Variants in GUCY1A2 observed in about 807,000 individuals in gnomAD.
GUCY1A2 encodes the protein guanylate cyclase soluble subunit alpha-2.
In GUCY1A2, 27 loss-of-function variants were observed where a neutral mutation model predicts 63.5. That is an observed-to-expected ratio of 0.43 (90% confidence interval 0.31 to 0.59). The LOEUF is 0.59. Among genes scored for constraint, GUCY1A2 ranks in the 20% least tolerant of loss-of-function variants. The pLI, the probability that GUCY1A2 is intolerant of heterozygous loss-of-function variation, is 0.11. For missense variants in GUCY1A2, 768 were observed against 913.3 expected (o/e 0.84, Z 2.05); for synonymous variants, 364 against 343.5 (o/e 1.06, Z -0.66).
At chr11:106,780,826 A>G (rs1010427815) in intron 5 of GUCY1A2, among the ~76,000 whole-genome samples, 1 of 152,136 alleles carries the variant, frequency 6.6e-6, no homozygotes, top group African/African-American at 2.4e-5. Flanking sequence ...TTCTTTCCAG[A>G]TATATTCGGC....
chr11:106,761,298 A>G (rs1255995062), intron 6 of GUCY1A2, among the ~76,000 whole-genome samples: 1 of 152,214 alleles, frequency 6.6e-6, no homozygotes, highest in East Asian at 1.9e-4. Context: ...TTAGTTATTC[A>G]CAACCAAATT....
intron 6 of GUCY1A2, among the ~76,000 whole-genome samples, chr11:106,758,395 A>G (rs1480149860): frequency 6.6e-6 from 1 of 152,166 alleles, no homozygotes; most frequent in Non-Finnish European, 1.5e-5. Flanking sequence ...CTCCCAGTAT[A>G]GACTCTCATG....
intron 4 of GUCY1A2, among the ~76,000 whole-genome samples, chr11:106,899,494 ATAAT>A (rs1245392774): frequency 1.3e-5 from 2 of 152,228 alleles, no homozygotes; most frequent in Non-Finnish European, 1.5e-5. Flanking sequence ...TAATTTAGAC[ATAAT>A]TAAAGGACTT....
chr11:106,757,253 C>A (rs760195583), intron 6 of GUCY1A2, among the ~76,000 whole-genome samples: 1 of 152,072 alleles, frequency 6.6e-6, no homozygotes, highest in Non-Finnish European at 1.5e-5. Flanking sequence ...TTCCTCTCAT[C>A]TTTTTCCAAG....
chr11:106,862,063 C>T (rs1471997606), intron 4 of GUCY1A2, among the ~76,000 whole-genome samples: 3 of 151,980 alleles, frequency 2.0e-5, no homozygotes, highest in Non-Finnish European at 2.9e-5. Context: ...CCTTCGTCAA[C>T]ACAGATGACC....
At chr11:106,782,254 A>G (rs937082126) in intron 5 of GUCY1A2, among the ~76,000 whole-genome samples, 1 of 152,196 alleles carries the variant, frequency 6.6e-6, no homozygotes, top group Non-Finnish European at 1.5e-5. Context: ...CAAGAGAAGC[A>G]GCAAATTAGA....
intron 4 of GUCY1A2, among the ~76,000 whole-genome samples, chr11:106,885,167 T>C (rs1859881636): frequency 6.6e-6 from 1 of 152,198 alleles, no homozygotes; most frequent in Admixed American, 6.6e-5. Context: ...TTTATGGTGA[T>C]AACATTTACC....
chr11:106,907,855 G>A (rs924968123), intron 4 of GUCY1A2, among the ~76,000 whole-genome samples: 19 of 151,812 alleles, frequency 1.3e-4, no homozygotes, highest in Admixed American at 9.2e-4. Flanking sequence ...GAATAGTGCC[G>A]CAATAAACAT....
chr11:106,855,054 T>C (rs960486028), intron 4 of GUCY1A2, among the ~76,000 whole-genome samples: 2 of 152,074 alleles, frequency 1.3e-5, no homozygotes, highest in African/African-American at 2.4e-5. Context: ...GCAAGGCCCG[T>C]TGGGCCTCAG....
At chr11:106,979,302 A>G (rs551187722) in intron 2 of GUCY1A2, among the ~76,000 whole-genome samples, 1 of 152,050 alleles carries the variant, frequency 6.6e-6, no homozygotes, top group East Asian at 1.9e-4. Context: ...AAAAATACAA[A>G]AAATTAGCCG....
At chr11:107,005,103 C>T (rs1212857632) in intron 1 of GUCY1A2, among the ~76,000 whole-genome samples, 2 of 152,240 alleles carry the variant, frequency 1.3e-5, no homozygotes, top group Non-Finnish European at 2.9e-5. Context: ...TTATTATCAT[C>T]ATTACTATAG....
intron 7 of GUCY1A2, among the ~76,000 whole-genome samples, chr11:106,702,437 G>A (rs758013594): frequency 2.6e-5 from 4 of 152,068 alleles, no homozygotes; most frequent in African/African-American, 4.8e-5. Context: ...ATGATATGTG[G>A]GTATCTGTGT....
At chr11:107,007,470 G>C (rs944180029) in intron 1 of GUCY1A2, among the ~76,000 whole-genome samples, 1 of 152,126 alleles carries the variant, frequency 6.6e-6, no homozygotes, top group Non-Finnish European at 1.5e-5. Context: ...CTCCACTCCA[G>C]CGGATTGTCC....
chr11:106,906,889 A>G (rs1179795662), intron 4 of GUCY1A2, among the ~76,000 whole-genome samples: 1 of 152,124 alleles, frequency 6.6e-6, no homozygotes, highest in Non-Finnish European at 1.5e-5. Context: ...GAACAATGAG[A>G]ACACATGGAC....
At chr11:106,781,709 G>C (rs906739381) in intron 5 of GUCY1A2, among the ~76,000 whole-genome samples, 3 of 149,678 alleles carry the variant, frequency 2.0e-5, no homozygotes, top group African/African-American at 7.4e-5. Flanking sequence ...GACTACAGGC[G>C]CATGTCACCA....
intron 7 of GUCY1A2, among the ~76,000 whole-genome samples, chr11:106,698,424 G>A (rs538417979): frequency 6.6e-6 from 1 of 151,832 alleles, no homozygotes; most frequent in African/African-American, 2.4e-5. Flanking sequence ...GCCTGGTCTG[G>A]ATGTCAGAAC....
intron 5 of GUCY1A2, among the ~76,000 whole-genome samples, chr11:106,807,358 G>A (rs1346587458): frequency 3.3e-5 from 5 of 152,124 alleles, no homozygotes; most frequent in East Asian, 1.9e-4. Context: ...AATCAGGCTG[G>A]TCAAATAGAA....
At chr11:106,795,262 A>G (rs1864734072) in intron 5 of GUCY1A2, among the ~76,000 whole-genome samples, 1 of 152,164 alleles carries the variant, frequency 6.6e-6, no homozygotes, top group African/African-American at 2.4e-5. Flanking sequence ...CAACTACAAC[A>G]GTCCTCATCT....
At chr11:106,820,601 G>C (rs750937622) in intron 4 of GUCY1A2, among the ~76,000 whole-genome samples, 31 of 152,078 alleles carry the variant, frequency 2.0e-4, no homozygotes, top group Admixed American at 5.9e-4. Flanking sequence ...GTTTAAACAT[G>C]TTGGCCAGAC....
Sources: allele counts gnomAD v4.1 joint callset (sites outside exome capture counted in the v4.1 genomes callset), GRCh38; gene constraint gnomAD v4.1.1; transcripts MANE v1.5; gene names NCBI Gene and HGNC (gene_info 2026-07-23, HGNC 2026-07-21).